EYA1: variants seen among roughly 807,000 people sequenced by gnomAD.
EYA1 encodes EYA transcriptional coactivator and phosphatase 1, also known as protein phosphatase EYA1.
A neutral mutation model predicts 82.0 loss-of-function variants in EYA1; 16 were observed. That is an observed-to-expected ratio of 0.20 (90% CI 0.13 to 0.30). The LOEUF (loss-of-function observed/expected upper bound fraction) is 0.30. Ranked by LOEUF, EYA1 falls within the 10% of genes least tolerant of loss-of-function variation. EYA1 has a pLI of 1.00. For synonymous variants in EYA1, 261 were observed against 264.4 expected (o/e 0.99, Z 0.12); for missense variants, 633 against 730.7 (o/e 0.87, Z 1.54).
chr8:71,326,262 C>T (rs994445242), intron 4 of EYA1, among the ~76,000 whole-genome samples: 39 of 152,180 alleles, frequency 2.6e-4, no homozygotes, highest in African/African-American at 9.2e-4. Context: ...CTCCCCCAGG[C>T]TCCTTCATGT....
At chr8:71,490,339 TTTGCTTAA>T (rs1310325810) in intron 2 of EYA1, among the ~76,000 whole-genome samples, 1 of 152,206 alleles carries the variant, frequency 6.6e-6, no homozygotes, top group Non-Finnish European at 1.5e-5. Context: ...GGTTTCTTGA[TTTGCTTAA>T]TTAAGTAACC....
upstream of EYA1, among the ~76,000 whole-genome samples, chr8:71,362,882 A>T (rs1827519451): frequency 6.6e-6 from 1 of 152,222 alleles, no homozygotes; most frequent in African/African-American, 2.4e-5. Context: ...TTTTATACAG[A>T]TACATGACTT....
At chr8:71,210,024 TTACTA>T (rs569623614) in intron 17 of EYA1, among the ~76,000 whole-genome samples, 4 of 152,354 alleles carry the variant, frequency 2.6e-5, no homozygotes, top group African/African-American at 9.6e-5. Context: ...TTATATATCT[TTACTA>T]TATCTAATCC....
chr8:71,254,705 CAT>C (rs1367448010), intron 11 of EYA1, among the ~76,000 whole-genome samples: 5 of 152,078 alleles, frequency 3.3e-5, no homozygotes, highest in Admixed American at 2.0e-4. Context: ...TGTAACAAAA[CAT>C]AGAAGTTCTA....
chr8:71,211,921 A>T (rs2128838139), intron 16 of EYA1, among the ~76,000 whole-genome samples: 1 of 152,320 alleles, frequency 6.6e-6, no homozygotes, highest in Non-Finnish European at 1.5e-5. Flanking sequence ...ATGTTCAATG[A>T]AGCACTTTCC....
intron 4 of EYA1, 97 bp from the exon 5 acceptor site, chr8:71,322,365 A>T (rs1204472573): frequency 1.9e-6 from 2 of 1,077,778 alleles, no homozygotes; most frequent in Non-Finnish European, 2.8e-6. Context: ...TAGGTTGGCC[A>T]TATGAAATTT....
chr8:71,512,326 G>T (rs1427757485), intron 2 of EYA1, among the ~76,000 whole-genome samples: 3 of 151,820 alleles, frequency 2.0e-5, no homozygotes, highest in Non-Finnish European at 4.4e-5. Flanking sequence ...ATGCAAGAAG[G>T]TGGAGAAAAG....
chr8:71,425,133 A>G (rs1027084420), intron 2 of EYA1, among the ~76,000 whole-genome samples: 3 of 142,068 alleles, frequency 2.1e-5, no homozygotes, highest in Non-Finnish European at 3.1e-5. Context: ...AAAAAAATCA[A>G]TGAGCCGGGC....
intron 2 of EYA1, among the ~76,000 whole-genome samples, chr8:71,503,826 C>A (rs757683763): frequency 2.6e-5 from 4 of 152,196 alleles, no homozygotes; most frequent in Non-Finnish European, 5.9e-5. Context: ...TCCCCACAGA[C>A]CACAGCAGGG....
At chr8:71,270,530 C>T (rs1816394827) in intron 10 of EYA1, among the ~76,000 whole-genome samples, 1 of 152,202 alleles carries the variant, frequency 6.6e-6, no homozygotes, top group Admixed American at 6.5e-5. Flanking sequence ...GCCTGTTTTA[C>T]TTCTTCCTAT....
intron 2 of EYA1, among the ~76,000 whole-genome samples, chr8:71,437,384 G>A (rs28502272): frequency 4.1e-4 from 62 of 151,586 alleles, no homozygotes; most frequent in Non-Finnish European, 8.0e-4. Flanking sequence ...AGCTTTTCCT[G>A]ATGCCCTCTT....
chr8:71,339,190 G>A (rs907424983), intron 3 of EYA1, among the ~76,000 whole-genome samples: 2 of 151,886 alleles, frequency 1.3e-5, no homozygotes, highest in Admixed American at 6.6e-5. Flanking sequence ...TCTATTCTCC[G>A]ACTCCTGCTT....
At chr8:71,484,628 T>C (rs1245542596) in intron 2 of EYA1, among the ~76,000 whole-genome samples, 1 of 152,236 alleles carries the variant, frequency 6.6e-6, no homozygotes, top group Non-Finnish European at 1.5e-5. Context: ...GGCTGAGCCC[T>C]CACATTTTCA....
chr8:71,281,325 C>T (rs188670382), intron 9 of EYA1, among the ~76,000 whole-genome samples: 329 of 152,260 alleles, frequency 2.2e-3, no homozygotes, highest in Middle Eastern at 0.01. Flanking sequence ...GCTGAAGCTC[C>T]CTCTGTCCCA....
intron 11 of EYA1, among the ~76,000 whole-genome samples, chr8:71,260,762 C>A (rs1309082341): frequency 6.6e-6 from 1 of 152,158 alleles, no homozygotes; most frequent in African/African-American, 2.4e-5. Flanking sequence ...GTTGTGGTAG[C>A]CCAGTGAGGT....
At chr8:71,384,638 A>G (rs1227219536) in intron 2 of EYA1, among the ~76,000 whole-genome samples, 1 of 152,248 alleles carries the variant, frequency 6.6e-6, no homozygotes, top group South Asian at 2.1e-4. Flanking sequence ...TTTGCTTGAT[A>G]AGTATTTGTT....
chr8:71,265,149 AGTTTTT>A (rs1815631524), intron 11 of EYA1, among the ~76,000 whole-genome samples: 2 of 149,500 alleles, frequency 1.3e-5, no homozygotes, highest in African/African-American at 5.0e-5. Flanking sequence ...CAGGAATTCA[AGTTTTT>A]GTTTTTGTTT....
At chr8:71,244,087 C>T (rs779506954) in intron 12 of EYA1, among the ~76,000 whole-genome samples, 99 of 152,144 alleles carry the variant, frequency 6.5e-4, no homozygotes, top group Admixed American at 7.9e-4. Context: ...AAGAGTCTGC[C>T]CTGAAATCAT....
chr8:71,472,727 A>G (rs975301518), intron 2 of EYA1, among the ~76,000 whole-genome samples: 1 of 150,504 alleles, frequency 6.6e-6, no homozygotes, highest in African/African-American at 2.4e-5. Context: ...CAAGCCGCAC[A>G]TTTAACCAGT....
Sources: gnomAD v4.1 joint callset for allele counts (sites outside exome capture counted in the v4.1 genomes callset) on GRCh38, gnomAD v4.1.1 for gene constraint, MANE v1.5 for transcripts, NCBI Gene and HGNC (gene_info 2026-07-23, HGNC 2026-07-21) for gene names.